The following NAP1L4 variants were observed in gnomAD, a reference collection of about 807,000 sequenced individuals.
NAP1L4 encodes nucleosome assembly protein 1-like 4.
Under a neutral mutation model 58.2 loss-of-function variants are expected in NAP1L4, and 15 were observed. That is an observed-to-expected ratio of 0.26 (90% confidence interval 0.17 to 0.40). NAP1L4 has a LOEUF of 0.40. Ranked by LOEUF, NAP1L4 falls within the 10% of genes least tolerant of loss-of-function variation. NAP1L4 has a pLI of 1.00. For missense variants in NAP1L4, 384 were observed against 451.1 expected, an observed-to-expected ratio of 0.85 and a Z score of 1.35; for synonymous variants, 171 against 155.6, an observed-to-expected ratio of 1.10 and a Z score of -0.74.
chr11:2,979,688 C>G lies in NAP1L4; in HGVS notation c.-17-451G>C, dbSNP rs540736735. On this transcript the variant is annotated intron_variant, in intron 1 of 15. Transcript: ENST00000380542. ...TCAGGAGGCTGAGGCAGAAGAATCA[C>G]TTGAACCCAGGAGGCGGAGGTTGCA... Among the ~76,000 whole-genome samples, 428 of 152,132 alleles carry G rather than the reference C, an allele frequency of 2.8e-3. 3 individuals carry two copies. Among genetic ancestry groups the G allele is most frequent in the Non-Finnish European group, 3.5e-3 (239 of 68,004 alleles).
At chr11:2,973,410 C>T (rs143399064) in intron 4 of NAP1L4, among the ~76,000 whole-genome samples, 1 of 152,186 alleles carries the variant, frequency 6.6e-6, no homozygotes, top group South Asian at 2.1e-4. Flanking sequence ...CTACCTGGGG[C>T]AGGGCCCTGG....
At position 2,955,762 on chromosome 11, in the gene NAP1L4, G is replaced by A. The variant is rs373812908; in HGVS notation, c.897C>T (p.Ser299=). ...ATCTTACCAGTGATTCTCCATCCCC[G>A]GATGCTAGAAAAAGAAAAGACAAAA... ...FFNFFNPLKA[S]GDGESLDEDS... The change falls in exon 11 of 16, where the codon TCC becomes TCT. Residue 299 remains serine, a synonymous_variant. Transcript: ENST00000380542. This position sits in a 1 kb window ranked among gnomAD's most constrained non-coding sequence, Gnocchi z 4.2. 126 of 1,612,322 alleles carry A rather than the reference G, an allele frequency of 7.8e-5. No individual in the cohort carries two copies. The highest frequency in any genetic ancestry group is 1.3e-4 in the African/African-American group (10 of 74,770).
chr11:2,972,064 G>C, intron 5 of NAP1L4, 38 bp downstream of exon 5: 3 of 1,494,224 alleles, frequency 2.0e-6, no homozygotes, highest in Non-Finnish European at 2.7e-6. Flanking sequence ...TTCGTAAGCT[G>C]AAAACTATCT....
chr11:2,947,366 C>G (rs1231866200), intron 15 of NAP1L4, among the ~76,000 whole-genome samples: 1 of 152,244 alleles, frequency 6.6e-6, no homozygotes, highest in Non-Finnish European at 1.5e-5. Context: ...AGAACACTCT[C>G]TCAAGACCGG....
intron 8 of NAP1L4, among the ~76,000 whole-genome samples, chr11:2,960,828 T>C (rs945654229): frequency 1.3e-5 from 2 of 152,204 alleles, no homozygotes; most frequent in Admixed American, 6.5e-5. Flanking sequence ...TCCCTATTTA[T>C]AGAAGAAAAA....
At chr11:2,963,478 G>C (rs1847070998) in intron 8 of NAP1L4, among the ~76,000 whole-genome samples, 1 of 152,190 alleles carries the variant, frequency 6.6e-6, no homozygotes, top group Non-Finnish European at 1.5e-5. Flanking sequence ...ATCACTCCCA[G>C]CTCCCAGGGC....
At chr11:2,958,594 C>A in intron 9 of NAP1L4, 50 bp from the exon 10 acceptor site, 1 of 1,575,442 alleles carries the variant, frequency 6.3e-7, no homozygotes. Flanking sequence ...GAGAAAAATC[C>A]ATTACAAATG....
rs1412399180 is a variant in NAP1L4, at chr11:2,949,271, G to GTTA, written c.1123-8_1123-7insTAA. ...TAACAGACAAAAATTACACCTAAAT[G>GTTA]GGGAAAAAAATTGAAAGGAACTGTC... On this transcript the variant is annotated splice_polypyrimidine_tract_variant and splice_region_variant and intron_variant, in intron 14 of 15. Transcript: ENST00000380542. The surrounding 1 kb of genome is among the most constrained non-coding windows in gnomAD (Gnocchi z 4.0). 1 of 1,595,802 alleles carries GTTA rather than the reference G, an allele frequency of 6.3e-7. No individual in the cohort carries two copies. Among genetic ancestry groups the GTTA allele is most frequent in the Non-Finnish European group, 8.6e-7 (1 of 1,163,580 alleles).
Position 2,949,234 on chromosome 11 carries a change from C to G in NAP1L4, c.*25G>C, listed in dbSNP as rs372823321. ...AATGGAATTCCACCTTACCTAGAAA[C>G]GTATGAATGATTAACAGACAAAAAT... On this transcript the variant is annotated 3_prime_UTR_variant, in exon 15 of 16. Coordinates refer to ENST00000380542, the MANE Select transcript of NAP1L4 (RefSeq NM_005969.4). This position sits in a 1 kb window ranked among gnomAD's most constrained non-coding sequence, Gnocchi z 4.0. 1.3e-6 allele frequency: 2 copies of G among 1,594,172 alleles called. No homozygotes were observed. The highest frequency in any genetic ancestry group is 1.7e-6 in the Non-Finnish European group (2 of 1,162,310).
intron 8 of NAP1L4, among the ~76,000 whole-genome samples, chr11:2,963,109 A>G (rs1156958282): frequency 5.3e-5 from 8 of 150,938 alleles, no homozygotes; most frequent in African/African-American, 9.7e-5. Flanking sequence ...AAAAAAAAAA[A>G]AAAAAAGAAA....
chr11:2,951,092 G>A lies in NAP1L4; in HGVS notation c.1122+167C>T, dbSNP rs1335959662. 1 of 665,654 alleles carries A rather than the reference G, an allele frequency of 1.5e-6. No individual in the cohort carries two copies. The allele number at this position is 665,654 out of a possible 1,614,324, so 41.2% of individuals were successfully genotyped here. ...ATGTACACTCAACACTCAAATTATAGACACAGTGTCTGAATAATCATTCCA... is the reference window on the plus strand; with the variant it reads ...ATGTACACTCAACACTCAAATTATAAACACAGTGTCTGAATAATCATTCCA... On this transcript the variant is annotated intron_variant, in intron 14 of 15. Transcript: ENST00000380542. This position sits in a 1 kb window ranked among gnomAD's most constrained non-coding sequence, Gnocchi z 4.0.
chr11:2,974,087 A>T (rs1366354860), intron 4 of NAP1L4, among the ~76,000 whole-genome samples: 1 of 152,224 alleles, frequency 6.6e-6, no homozygotes, highest in Non-Finnish European at 1.5e-5. Context: ...ATTTTAAATT[A>T]GTTTAATTTT....
At chr11:2,963,929 A>G (rs1847103395) in intron 8 of NAP1L4, 1 of 518,690 alleles carries the variant, frequency 1.9e-6, no homozygotes, top group Non-Finnish European at 3.9e-6. Context: ...ACAGTCTGGC[A>G]AGGCCATTTG....
At chr11:2,968,576 T>G (rs915865902) in intron 7 of NAP1L4, among the ~76,000 whole-genome samples, 3 of 152,206 alleles carry the variant, frequency 2.0e-5, no homozygotes, top group Non-Finnish European at 4.4e-5. Context: ...AGGACAAGCA[T>G]TAAACAAGGG....
rs578222760 is a variant in NAP1L4 at position 2,989,338 on chromosome 11, C to G, written c.-18+2916G>C. On this transcript the variant is annotated intron_variant, in intron 1 of 15. Transcript: ENST00000380542. ...GGCCAAACTCCCAACAAGCTCATCT[C>G]TGCTGTCTTATTCAAATATAAACCA... 3 of 152,344 alleles carry G rather than the reference C, an allele frequency of 2.0e-5. No homozygotes were observed. In the East Asian group the frequency reaches 5.8e-4, roughly 29 times the overall value. The allele number at this position is 152,344 out of a possible 1,614,324, so 9.4% of individuals were successfully genotyped here.
In NAP1L4 at chr11:2,945,353, T is replaced by A. The variant is rs1360190097; in HGVS notation, c.*326A>T. On this transcript the variant is annotated 3_prime_UTR_variant, in exon 16 of 16. Coordinates refer to ENST00000380542, the MANE Select transcript of NAP1L4 (RefSeq NM_005969.4). The stretch of plus-strand genomic sequence containing the variant: ...TCCCACAGGGAAAGGCCCAGGGAAG[T>A]CCAGAGCTACAGGCACCAAGGCTGC... 1 of 466,956 alleles carries A rather than the reference T, an allele frequency of 2.1e-6. No homozygotes were observed. Among genetic ancestry groups the A allele is most frequent in the African/African-American group, 2.0e-5 (1 of 50,042 alleles). The allele number at this position is 466,956 out of a possible 1,614,324, so 28.9% of individuals were successfully genotyped here.
At chr11:2,979,041 C>T (rs1590262950) in intron 2 of NAP1L4, among the ~76,000 whole-genome samples, 166 bp downstream of exon 2, 2 of 152,148 alleles carry the variant, frequency 1.3e-5, no homozygotes, top group South Asian at 2.1e-4. Flanking sequence ...CTGTTCATGT[C>T]GGAAGTAATT....
At position 2,951,661 on chromosome 11, in the gene NAP1L4, AAGAC is replaced by A; in HGVS notation, c.1065+115_1065+118del. 1 of 948,204 alleles carries A rather than the reference AAGAC, an allele frequency of 1.1e-6. No homozygotes were observed. Among genetic ancestry groups the A allele is most frequent in the South Asian group, 1.4e-5 (1 of 72,004 alleles). The allele number at this position is 948,204 out of a possible 1,614,324, so 58.7% of individuals were successfully genotyped here. Reference sequence around the variant, plus strand: ...TGTTTTAAGAACATTCTTAGAATCAAAGACAGCGTCACAAAAAATGGGTTTAACA... The same window carrying A: ...TGTTTTAAGAACATTCTTAGAATCAAAGCGTCACAAAAAATGGGTTTAACA... On this transcript the variant is annotated intron_variant, in intron 13 of 15. Transcript: ENST00000380542. This position sits in a 1 kb window ranked among gnomAD's most constrained non-coding sequence, Gnocchi z 4.0.
In NAP1L4 at chr11:2,954,803, C is replaced by A; in HGVS notation, c.916-157G>T. 1 of 903,902 alleles carries A rather than the reference C, an allele frequency of 1.1e-6. No homozygotes were observed. The highest frequency in any genetic ancestry group is 1.7e-6 in the Non-Finnish European group (1 of 587,070). 56.0% of individuals were successfully genotyped at this position (903,902 alleles called of 1,614,324 possible). On this transcript the variant is annotated intron_variant, in intron 11 of 15. Coordinates refer to ENST00000380542, the MANE Select transcript of NAP1L4 (RefSeq NM_005969.4). This position sits in a 1 kb window ranked among gnomAD's most constrained non-coding sequence, Gnocchi z 4.8. ...GGGACAGCCACTAGACACTCAAAGC[C>A]CCTTTAAAACAACTTTAAGTAGCTT...
Sources: gnomAD v4.1 joint callset for allele counts (sites outside exome capture counted in the v4.1 genomes callset) on GRCh38, gnomAD v4.1.1 for gene constraint, Gnocchi (gnomAD v3.1) non-coding constraint, MANE v1.5 for transcripts, NCBI Gene and HGNC (gene_info 2026-07-23, HGNC 2026-07-21) for gene names.